The following P2RY2 variants were observed in gnomAD, a reference collection of about 807,000 sequenced individuals.
P2RY2 encodes the protein P2Y purinoceptor 2.
For synonymous variants in P2RY2, 241 were observed against 231.9 expected (o/e 1.04, Z -0.35); for missense variants, 567 against 515.7 (o/e 1.10, Z -0.96).
At chr11:73,231,454 G>A (rs1862454920) in intron 2 of P2RY2, among the ~76,000 whole-genome samples, 2 of 151,580 alleles carry the variant, frequency 1.3e-5, no homozygotes. Context: ...CTACTTGGGA[G>A]GCTGAGACAT....
At position 73,234,541 on chromosome 11, in the gene P2RY2, A is replaced by G. The variant is rs1862562743; in HGVS notation, c.382A>G (p.Ser128Gly). ...YCSILFLTCISVHRCLGVLRP... is the reference protein window; with the variant it reads ...YCSILFLTCIGVHRCLGVLRP... Reference sequence around the variant, plus strand: ...CAGCATCCTCTTCCTCACCTGCATCAGCGTGCACCGGTGTCTGGGCGTCTT... The same window carrying G: ...CAGCATCCTCTTCCTCACCTGCATCGGCGTGCACCGGTGTCTGGGCGTCTT... Residue 128 changes from serine (S) to glycine (G), a missense_variant, in exon 3 of 3, where the codon AGC becomes GGC. By Grantham distance (56) the Ser-to-Gly change is moderately conservative. Transcript: ENST00000393597. 1 of 1,604,370 alleles carries G rather than the reference A, an allele frequency of 6.2e-7. No homozygotes were observed. Among genetic ancestry groups the G allele is most frequent in the Non-Finnish European group, 8.5e-7 (1 of 1,174,372 alleles).
chr11:73,229,435 G>A (rs373191778), intron 2 of P2RY2, among the ~76,000 whole-genome samples: 4 of 152,130 alleles, frequency 2.6e-5, no homozygotes, highest in South Asian at 2.1e-4. Context: ...TAGTCCCAGG[G>A]GCATCAGGGT....
rs1862717718 is a variant in P2RY2 at position 73,238,947 on chromosome 11, C to T, written c.*3654C>T. 1 of 152,244 alleles carries T rather than the reference C, an allele frequency of 6.6e-6. No homozygotes were observed. 9.4% of individuals were successfully genotyped at this position (152,244 alleles called of 1,614,324 possible). A position where few individuals can be genotyped will look rare whatever the true frequency, so the allele number is the denominator to read the frequency against. On this transcript the variant is annotated 3_prime_UTR_variant, in exon 3 of 3. Transcript: ENST00000393597. ...CAGTGTCAATATTGTCCCCACTTTC[C>T]TGGCTGGGGTCTCTTGGGCAAGTTA...
chr11:73,234,689 G>T lies in P2RY2; in HGVS notation c.530G>T (p.Arg177Leu), dbSNP rs148967472. 2 of 1,603,552 alleles carry T rather than the reference G, an allele frequency of 1.2e-6. No individual in the cohort carries two copies. Among genetic ancestry groups the T allele is most frequent in the Non-Finnish European group, 8.5e-7 (1 of 1,176,478 alleles). Residue 177 changes from arginine (R) to leucine (L), a missense_variant, in exon 3 of 3, where the codon CGC (arginine) becomes CTC (leucine). Arg to Leu is a moderately radical substitution (Grantham distance 102, BLOSUM62 -2). Coordinates refer to ENST00000393597, the MANE Select transcript of P2RY2 (RefSeq NM_002564.4). Reference protein sequence around the residue: ...PVLYFVTTSARGGRVTCHDTS... With the variant: ...PVLYFVTTSALGGRVTCHDTS... ...CTCTACTTTGTCACCACCAGCGCGC[G>T]CGGGGGCCGCGTAACCTGCCACGAC...
chr11:73,225,457 C>T (rs1190041083), intron 1 of P2RY2, among the ~76,000 whole-genome samples: 1 of 152,206 alleles, frequency 6.6e-6, no homozygotes, highest in African/African-American at 2.4e-5. Flanking sequence ...GGTGCAATAA[C>T]CACCCATCTG....
chr11:73,236,104 C>T lies in P2RY2; in HGVS notation c.*811C>T. The T allele has an allele frequency of 2.0e-6, 2 of 998,604 alleles. No individual in the cohort carries two copies. The highest frequency in any genetic ancestry group is 2.4e-6 in the Non-Finnish European group (2 of 828,480). 61.9% of individuals were successfully genotyped at this position (998,604 alleles called of 1,614,324 possible). ...TCTCTCCAGGCCCCAGGTCATCCCC[C>T]ACTGTAAAGCCAGTTGGCTTCTGTG... On this transcript the variant is annotated 3_prime_UTR_variant, in exon 3 of 3. Transcript: ENST00000393597.
At chr11:73,226,927 C>CT (rs1434318326) in intron 1 of P2RY2, among the ~76,000 whole-genome samples, 4 of 152,114 alleles carry the variant, frequency 2.6e-5, no homozygotes, top group African/African-American at 2.4e-5. Context: ...CAGGAGATTT[C>CT]TTTTTTTTCT....
intron 1 of P2RY2, among the ~76,000 whole-genome samples, chr11:73,224,160 G>A (rs116144699): frequency 6.4e-4 from 98 of 152,314 alleles, no homozygotes; most frequent in African/African-American, 2.3e-3. Flanking sequence ...GGTGCTCCCG[G>A]TGCAGAAGCA....
chr11:73,230,786 G>C (rs1237712258), intron 2 of P2RY2, among the ~76,000 whole-genome samples: 2 of 152,174 alleles, frequency 1.3e-5, no homozygotes, highest in African/African-American at 2.4e-5. Flanking sequence ...GAGGTTGGCA[G>C]AGGCTCAGTT....
Position 73,234,533 on chromosome 11 carries a change from C to T in P2RY2, c.374C>T (p.Thr125Ile), listed in dbSNP as rs1862562225. ...TNLYCSILFLTCISVHRCLGV... is the reference protein window; with the variant it reads ...TNLYCSILFLICISVHRCLGV... ...CTTTACTGCAGCATCCTCTTCCTCA[C>T]CTGCATCAGCGTGCACCGGTGTCTG... Residue 125 changes from threonine to isoleucine, a missense_variant, in exon 3 of 3, where the codon ACC becomes ATC. Coordinates refer to ENST00000393597, the MANE Select transcript of P2RY2 (RefSeq NM_002564.4). The T allele has an allele frequency of 1.2e-6, 2 of 1,607,754 alleles. No individual in the cohort carries two copies. Among genetic ancestry groups the T allele is most frequent in the African/African-American group, 1.3e-5 (1 of 74,872 alleles).
At chr11:73,228,222 T>A (rs1365779087) in intron 2 of P2RY2, 47 bp downstream of exon 2, 1 of 100,614 alleles carries the variant, frequency 9.9e-6, no homozygotes, top group African/African-American at 3.5e-5. Flanking sequence ...GGCCGGGAGG[T>A]GAGGGCGGGT....
intron 1 of P2RY2, among the ~76,000 whole-genome samples, chr11:73,227,217 TG>T (rs1263218533): frequency 6.6e-6 from 1 of 152,212 alleles, no homozygotes; most frequent in African/African-American, 2.4e-5. Context: ...CTGAGAATGA[TG>T]GTTTCCAGCT....
chr11:73,226,416 C>T (rs1189910472), intron 1 of P2RY2, among the ~76,000 whole-genome samples: 1 of 152,094 alleles, frequency 6.6e-6, no homozygotes, highest in Non-Finnish European at 1.5e-5. Flanking sequence ...CAGTGGGGAG[C>T]TACCAGCCCA....
At chr11:73,229,103 C>T (rs746945397) in intron 2 of P2RY2, among the ~76,000 whole-genome samples, 11 of 152,280 alleles carry the variant, frequency 7.2e-5, no homozygotes, top group Middle Eastern at 6.8e-3. Flanking sequence ...ATGGACCCAG[C>T]CCTCAAGGAG....
At chr11:73,230,452 C>T (rs1565140101) in intron 2 of P2RY2, among the ~76,000 whole-genome samples, 1 of 152,110 alleles carries the variant, frequency 6.6e-6, no homozygotes, top group Non-Finnish European at 1.5e-5. Flanking sequence ...CCTTGGCACT[C>T]ATAACACCAC....
At position 73,235,744 on chromosome 11, in the gene P2RY2, A is replaced by G; in HGVS notation, c.*451A>G. ...ACAGGTTGGCCAGAAAACCCTGGTA[A>G]GTAATGAGGGCTGAGTTTGCACAGT... On this transcript the variant is annotated 3_prime_UTR_variant, in exon 3 of 3. Transcript: ENST00000393597. 1 of 1,005,574 alleles carries G rather than the reference A, an allele frequency of 9.9e-7. No individual in the cohort carries two copies. The highest frequency in any genetic ancestry group is 1.2e-6 in the Non-Finnish European group (1 of 833,830). 62.3% of individuals were successfully genotyped at this position (1,005,574 alleles called of 1,614,324 possible). A position where few individuals can be genotyped will look rare whatever the true frequency, so the allele number is the denominator to read the frequency against.
intron 2 of P2RY2, among the ~76,000 whole-genome samples, chr11:73,229,908 G>C (rs1862399632): frequency 6.6e-6 from 1 of 152,054 alleles, no homozygotes; most frequent in Admixed American, 6.6e-5. Flanking sequence ...TGTCCAAGTG[G>C]GGCAGAGGAC....
Position 73,234,153 on chromosome 11 carries a change from C to A in P2RY2, c.-4-3C>A. The A allele has an allele frequency of 6.3e-7, 1 of 1,596,262 alleles. No individual in the cohort carries two copies. The highest frequency in any genetic ancestry group is 8.5e-7 in the Non-Finnish European group (1 of 1,169,602). On this transcript the variant is annotated splice_region_variant and splice_polypyrimidine_tract_variant and intron_variant, in intron 2 of 2. Transcript: ENST00000393597. ...GATGGCCCCACCCCTCCCTTCCCTG[C>A]AGGGCGATGGCAGCAGACCTGGGCC...
At chr11:73,230,675 A>G (rs778377254) in intron 2 of P2RY2, among the ~76,000 whole-genome samples, 3 of 152,130 alleles carry the variant, frequency 2.0e-5, no homozygotes, top group South Asian at 4.1e-4. Context: ...GACGAGGGCT[A>G]TGAATGAACT....
Sources: gnomAD v4.1 joint callset for allele counts (sites outside exome capture counted in the v4.1 genomes callset) on GRCh38, gnomAD v4.1.1 for gene constraint, MANE v1.5 for transcripts, NCBI Gene and HGNC (gene_info 2026-07-23, HGNC 2026-07-21) for gene names.